RELL1: variants seen among roughly 807,000 people sequenced by gnomAD.
RELL1 encodes the protein RELT like 1.
A neutral mutation model predicts 23.0 loss-of-function variants in RELL1; 10 were observed. The ratio of observed to expected loss-of-function variants is 0.43; its 90% confidence interval spans 0.27 to 0.74. RELL1 has a LOEUF of 0.74. Ranked by LOEUF, RELL1 falls within the 30% of genes least tolerant of loss-of-function variation. The pLI is 0.19. For synonymous variants in RELL1, 146 were observed against 146.8 expected (o/e 0.99, Z 0.04); for missense variants, 315 against 364.4 (o/e 0.86, Z 1.10).
Position 37,628,737 on chromosome 4 carries a change from C to T in RELL1, c.*3+2648G>A, listed in dbSNP as rs182705592. Among the ~76,000 whole-genome samples the T allele has an allele frequency of 5.7e-4, 87 of 152,250 alleles. No homozygotes were observed. In the East Asian group the frequency reaches 6.0e-3, roughly 10 times the overall value. On this transcript the variant is annotated intron_variant, in intron 6 of 6. Coordinates refer to ENST00000454158, the MANE Select transcript of RELL1 (RefSeq NM_001085400.2). ...ACAATGAATTTAATACCTTATTTCA[C>T]GTTCAAGGAAACCAGGGGTAGGGCA...
chr4:37,595,384 T>G (rs1718797300), intron 6 of RELL1, among the ~76,000 whole-genome samples: 1 of 152,216 alleles, frequency 6.6e-6, no homozygotes, highest in Admixed American at 6.5e-5. Flanking sequence ...AGCAATTTTT[T>G]TCAACTGAAA....
chr4:37,621,442 C>G (rs531818127), intron 6 of RELL1, among the ~76,000 whole-genome samples: 1 of 151,446 alleles, frequency 6.6e-6, no homozygotes, highest in East Asian at 1.9e-4. Flanking sequence ...GGGGACAGAG[C>G]AAGACTCCAT....
intron 6 of RELL1, among the ~76,000 whole-genome samples, chr4:37,626,177 C>T (rs1719937834): frequency 6.6e-6 from 1 of 152,112 alleles, no homozygotes; most frequent in African/African-American, 2.4e-5. Flanking sequence ...ACGCAGGTCA[C>T]TAACAAAAAT....
At chr4:37,596,732 ATATATTTTTTTTTTTTTTTTTTTTT>A (rs1718867652) in intron 6 of RELL1, among the ~76,000 whole-genome samples, 2 of 17,092 alleles carry the variant, frequency 1.2e-4, no homozygotes, top group African/African-American at 3.3e-4. Flanking sequence ...ATATATATAT[ATATATTTTTTTTTTTTTTTTTTTTT>A]TTTTTTTTGA....
chr4:37,644,372 G>A (rs1223681064), intron 3 of RELL1, among the ~76,000 whole-genome samples: 1 of 151,730 alleles, frequency 6.6e-6, no homozygotes, highest in Non-Finnish European at 1.5e-5. Context: ...CCTCTGGGTC[G>A]CTGTTTCCTA....
In RELL1 at chr4:37,596,578, A is replaced by C. The variant is rs188524927; in HGVS notation, c.*4-5361T>G. ...GTATTTAGCAATACTAAGATGAAGT[A>C]ACAACATATCAGAGCATTAATATTT... On this transcript the variant is annotated intron_variant, in intron 6 of 6. Coordinates refer to the RELL1 transcript ENST00000314117. 2.6e-5 allele frequency among the ~76,000 whole-genome samples: 4 copies of C among 151,330 alleles called. No individual in the cohort carries two copies. The East Asian group carries it at 7.8e-4, about 29-fold the overall frequency.
At position 37,638,484 on chromosome 4, in the gene RELL1, C is replaced by T; in HGVS notation, c.406G>A (p.Ala136Thr). The part of the protein sequence containing the change: ...KNEANADVLK[A>T]MVADNSLYDP... ...TACAGGCTGTTATCTGCTACCATCG[C>T]CTTTAAGACATCAGCATTCGCTAAG... The change falls in exon 4 of 7, where the codon GCG becomes ACG. Residue 136 changes from alanine to threonine, a missense_variant. Transcript: ENST00000454158. 1.2e-6 allele frequency: 2 copies of T among 1,612,332 alleles called. No homozygotes were observed. The highest frequency in any genetic ancestry group is 1.7e-6 in the Non-Finnish European group (2 of 1,178,972).
intron 6 of RELL1, among the ~76,000 whole-genome samples, chr4:37,630,224 C>T (rs1464518072): frequency 2.0e-5 from 3 of 152,038 alleles, no homozygotes; most frequent in Non-Finnish European, 2.9e-5. Flanking sequence ...AAATCGTCAC[C>T]GTTGCTCTTT....
intron 3 of RELL1, among the ~76,000 whole-genome samples, chr4:37,643,107 G>A (rs1720583971): frequency 6.6e-6 from 1 of 152,174 alleles, no homozygotes. Context: ...CTTCCAACTG[G>A]CATCCCAAGT....
chr4:37,635,325 CAAT>C (rs1259950694), intron 4 of RELL1, among the ~76,000 whole-genome samples: 2 of 152,002 alleles, frequency 1.3e-5, no homozygotes, highest in Non-Finnish European at 2.9e-5. Context: ...TTATCTTAAG[CAAT>C]AATAATATGA....
At position 37,613,066 on chromosome 4, in the gene RELL1, G is replaced by A. The variant is rs1307295635; in HGVS notation, c.*280C>T. ...TGTGTACACCAAGGCCTGGGATTAG[G>A]GGCTGGGAAGAGTAGAGGCTGGGAG... On this transcript the variant is annotated 3_prime_UTR_variant, in exon 7 of 7. Coordinates refer to ENST00000454158, the MANE Select transcript of RELL1 (RefSeq NM_001085400.2). 6.6e-6 allele frequency: 1 copy of A among 152,166 alleles called. No individual in the cohort carries two copies. The highest frequency in any genetic ancestry group is 6.5e-5 in the Admixed American group (1 of 15,274). The allele number at this position is 152,166 out of a possible 1,614,324, so 9.4% of individuals were successfully genotyped here.
At chr4:37,669,162 G>A (rs1424197531) in intron 1 of RELL1, among the ~76,000 whole-genome samples, 3 of 96,848 alleles carry the variant, frequency 3.1e-5, no homozygotes, top group African/African-American at 4.5e-5. Flanking sequence ...CCGGCCAGCC[G>A]CCCCGTCCGG....
Position 37,647,413 on chromosome 4 carries a change from T to C in RELL1, c.340A>G (p.Ser114Gly). 1 of 1,613,296 alleles carries C rather than the reference T, an allele frequency of 6.2e-7. No homozygotes were observed. The highest frequency in any genetic ancestry group is 1.3e-5 in the African/African-American group (1 of 75,050). Residue 114 changes from serine to glycine, a missense_variant, in exon 3 of 7, where the codon AGT becomes GGT. Physicochemically the swap from Ser to Gly is moderately conservative, Grantham distance 56. Transcript: ENST00000454158. ...IELNDSVNEN[S>G]DTVGQIVHYI... is the part of the protein sequence containing the mutation. ...TGGACGATTTGCCCAACAGTGTCAC[T>C]GTTTTCATTCACACTGTCATTCAAT...
intron 1 of RELL1, among the ~76,000 whole-genome samples, chr4:37,662,330 C>T (rs532153739): frequency 1.3e-5 from 2 of 152,206 alleles, no homozygotes; most frequent in South Asian, 4.1e-4. Flanking sequence ...TGGGGCATAA[C>T]CTATCCTTAA....
chr4:37,656,767 C>T (rs373277178), intron 1 of RELL1, among the ~76,000 whole-genome samples: 13 of 152,194 alleles, frequency 8.5e-5, no homozygotes, highest in African/African-American at 2.9e-4. Flanking sequence ...TCAGCTTCCT[C>T]GGCACTTTCT....
chr4:37,607,843 C>G (rs1189195498), downstream of RELL1, among the ~76,000 whole-genome samples: 1 of 152,184 alleles, frequency 6.6e-6, no homozygotes, highest in Non-Finnish European at 1.5e-5. Context: ...CTGCCTCGGC[C>G]TCCCAAAGTG....
intron 6 of RELL1, among the ~76,000 whole-genome samples, chr4:37,592,313 C>G (rs900022727): frequency 1.4e-5 from 2 of 140,444 alleles, no homozygotes; most frequent in Non-Finnish European, 3.0e-5. Flanking sequence ...GCCAGGAATT[C>G]GAGACCAACC....
Position 37,638,653 on chromosome 4 carries a change from A to G in RELL1, c.386-149T>C. The G allele has an allele frequency of 9.7e-6, 6 of 620,624 alleles. No individual in the cohort carries two copies. The Middle Eastern group carries it at 1.3e-3, about 134-fold the overall frequency. The allele number at this position is 620,624 out of a possible 1,614,324, so 38.4% of individuals were successfully genotyped here. A position where few individuals can be genotyped will look rare whatever the true frequency, so the allele number is the denominator to read the frequency against. Reference sequence around the variant, plus strand: ...CCTAGAGAAAGGAGGGTCTCCCCCAACATAACTGCATAACATGGCACCATC... The same window carrying G: ...CCTAGAGAAAGGAGGGTCTCCCCCAGCATAACTGCATAACATGGCACCATC... On this transcript the variant is annotated intron_variant, in intron 3 of 6. Coordinates refer to ENST00000454158, the MANE Select transcript of RELL1 (RefSeq NM_001085400.2).
chr4:37,660,841 C>T (rs992162115), intron 1 of RELL1, among the ~76,000 whole-genome samples: 39 of 152,216 alleles, frequency 2.6e-4, no homozygotes, highest in East Asian at 1.6e-3. Flanking sequence ...ACCATCCTGG[C>T]TAACACGGTG....
Sources: allele counts gnomAD v4.1 joint callset (sites outside exome capture counted in the v4.1 genomes callset), GRCh38; gene constraint gnomAD v4.1.1; transcripts MANE v1.5; gene names NCBI Gene and HGNC (gene_info 2026-07-23, HGNC 2026-07-21).